The following RBFOX1 variants were observed in gnomAD, a reference collection of about 807,000 sequenced individuals.
The protein encoded by RBFOX1 is RNA binding protein fox-1 homolog 1.
In RBFOX1, 8 loss-of-function variants were observed where a neutral mutation model predicts 57.7. The observed-to-expected ratio is 0.14, with a 90% CI of 0.08 to 0.25. The LOEUF (loss-of-function observed/expected upper bound fraction) is 0.25, where lower values mean the gene tolerates loss of function less well. RBFOX1 is among the 10% of genes least tolerant of loss of function. The probability of loss-of-function intolerance (pLI) is 1.00; values close to 1 mark genes in which losing one functional copy is unlikely to be tolerated. For synonymous variants in RBFOX1, 326 were observed against 222.4 expected, an observed-to-expected ratio of 1.47 and a Z score of -4.15; for missense variants, 611 against 548.5, an observed-to-expected ratio of 1.11 and a Z score of -1.14.
chr16:5,785,511 T>TTTTCTTTC (rs369767150), intron 3 of RBFOX1, among the ~76,000 whole-genome samples: 115 of 151,914 alleles, frequency 7.6e-4, no homozygotes, highest in South Asian at 5.2e-3. Context: ...TTCTTTTCTT[T>TTTTCTTTC]TTTCTTTCTT....
At chr16:6,795,630 G>C (rs1311676744) in intron 3 of RBFOX1, among the ~76,000 whole-genome samples, 1 of 152,026 alleles carries the variant, frequency 6.6e-6, no homozygotes, top group Non-Finnish European at 1.5e-5. Flanking sequence ...GCCTGGCATG[G>C]TTGGGGGTGC....
At chr16:6,623,381 G>T (rs1257036730) in intron 2 of RBFOX1, among the ~76,000 whole-genome samples, 1 of 151,972 alleles carries the variant, frequency 6.6e-6, no homozygotes, top group Middle Eastern at 3.2e-3. Flanking sequence ...CAAGTGTTCT[G>T]ATTGTCACTT....
intron 4 of RBFOX1, among the ~76,000 whole-genome samples, chr16:5,912,130 C>T (rs1238274359): frequency 2.6e-5 from 4 of 152,162 alleles, no homozygotes; most frequent in Non-Finnish European, 1.5e-5. Context: ...CTGAGCTTCA[C>T]ACCCATCTCT....
intron 3 of RBFOX1, among the ~76,000 whole-genome samples, chr16:5,734,630 C>G (rs192868616): frequency 7.2e-5 from 11 of 152,098 alleles, no homozygotes; most frequent in Non-Finnish European, 1.3e-4. Context: ...GCTAGGTTCA[C>G]GAGACTGAGT....
chr16:5,665,649 G>C lies in RBFOX1; in HGVS notation c.318+66688G>C, dbSNP rs80239163. Among the ~76,000 whole-genome samples, 1,132 of 152,314 alleles carry C rather than the reference G, an allele frequency of 7.4e-3. 12 individuals are homozygous for C. The highest frequency in any genetic ancestry group is 0.025 in the African/African-American group (1,055 of 41,570). On this transcript the variant is annotated intron_variant, in intron 3 of 19. Transcript: ENST00000641259. ...TTGGCAGATAGTTGGCACTCAGTTA[G>C]TATTTAGTGGATGAATGAATGTGTG...
chr16:7,094,315 A>G lies in RBFOX1; in HGVS notation c.27+42217A>G, dbSNP rs147993590. 3.1e-4 allele frequency among the ~76,000 whole-genome samples: 47 copies of G among 152,266 alleles called. 1 individual carries two copies. In the East Asian group the frequency reaches 7.1e-3, roughly 23 times the overall value. On this transcript the variant is annotated intron_variant, in intron 4 of 15. Coordinates refer to ENST00000550418, the MANE Select transcript of RBFOX1 (RefSeq NM_018723.4). ...GAAGCAATAGAGCATTGTTTTGACC[A>G]CTAAGGAACATGAAGCTTTTAGGAG...
At chr16:6,053,346 C>T (rs1264617653) in intron 1 of RBFOX1, among the ~76,000 whole-genome samples, 1 of 152,156 alleles carries the variant, frequency 6.6e-6, no homozygotes, top group East Asian at 1.9e-4. Flanking sequence ...GAGTGGCTAA[C>T]ACAATTAGTG....
At chr16:6,715,266 GTTTTTTTTTTTTC>G (rs2064558504) in intron 3 of RBFOX1, among the ~76,000 whole-genome samples, 2 of 149,836 alleles carry the variant, frequency 1.3e-5, no homozygotes, top group Non-Finnish European at 3.0e-5. Flanking sequence ...AAGTTTTAAA[GTTTTTTTTTTTTC>G]TTTTTTTAAC....
chr16:7,313,528 CA>C (rs1364764445), intron 4 of RBFOX1, among the ~76,000 whole-genome samples: 3 of 148,202 alleles, frequency 2.0e-5, no homozygotes, highest in Non-Finnish European at 4.4e-5. Context: ...CTCTTTCGGA[CA>C]GCAGTAGGAG....
intron 3 of RBFOX1, among the ~76,000 whole-genome samples, chr16:6,762,823 G>T (rs538585408): frequency 6.6e-6 from 1 of 152,156 alleles, no homozygotes; most frequent in Non-Finnish European, 1.5e-5. Flanking sequence ...TAAAAACCAG[G>T]TGTTACCAGA....
At chr16:7,340,651 C>T (rs1440394798) in intron 4 of RBFOX1, among the ~76,000 whole-genome samples, 2 of 152,212 alleles carry the variant, frequency 1.3e-5, no homozygotes, top group Admixed American at 6.5e-5. Context: ...CTTCTCTTCA[C>T]ATCAGTGATG....
In RBFOX1 at chr16:6,682,290, A is replaced by G. The variant is rs561957192; in HGVS notation, c.-16+27640A>G. ...ACACAGCCCTGCCTCCTCTGGAGGG[A>G]TTGAGCTCTCAGGCGTCGATTTCCC... On this transcript the variant is annotated intron_variant, in intron 3 of 15. Transcript: ENST00000550418. Among the ~76,000 whole-genome samples, 12 of 152,232 alleles carry G rather than the reference A, an allele frequency of 7.9e-5. No individual in the cohort carries two copies. The South Asian group carries it at 2.5e-3, about 32-fold the overall frequency.
In RBFOX1 at chr16:7,712,539, G is replaced by C. The variant is rs937092622; in HGVS notation, c.*1794G>C. 2 of 152,478 alleles carry C rather than the reference G, an allele frequency of 1.3e-5. No individual in the cohort carries two copies. Among genetic ancestry groups the C allele is most frequent in the Non-Finnish European group, 2.9e-5 (2 of 68,034 alleles). 9.4% of individuals were successfully genotyped at this position (152,478 alleles called of 1,614,324 possible). A position where few individuals can be genotyped will look rare whatever the true frequency, so the allele number is the denominator to read the frequency against. ...GCTTCGATACCTAAGACAGACGATAGTGATCTTGAAAAGAGAAAAGGGGGA... is the reference window on the plus strand; with the variant it reads ...GCTTCGATACCTAAGACAGACGATACTGATCTTGAAAAGAGAAAAGGGGGA... On this transcript the variant is annotated 3_prime_UTR_variant, in exon 16 of 16. Coordinates refer to ENST00000550418, the MANE Select transcript of RBFOX1 (RefSeq NM_018723.4).
At chr16:5,454,808 C>A (rs12929210) in intron 1 of RBFOX1, among the ~76,000 whole-genome samples, 1 of 51,110 alleles carries the variant, frequency 2.0e-5, no homozygotes, top group East Asian at 5.1e-4. Flanking sequence ...TCTTTCTTTC[C>A]CTTTCCTTTC....
chr16:7,419,178 G>C (rs1417519859), intron 4 of RBFOX1, among the ~76,000 whole-genome samples: 1 of 152,180 alleles, frequency 6.6e-6, no homozygotes, highest in Non-Finnish European at 1.5e-5. Flanking sequence ...AAAGTGCTGG[G>C]ATTACAAGCG....
At chr16:6,004,243 C>G (rs199559884) in intron 4 of RBFOX1, among the ~76,000 whole-genome samples, 1 of 152,284 alleles carries the variant, frequency 6.6e-6, no homozygotes, top group East Asian at 1.9e-4. Context: ...GCTCTACAGC[C>G]TGACTACCTG....
intron 3 of RBFOX1, among the ~76,000 whole-genome samples, chr16:6,763,938 A>G (rs1343705368): frequency 6.6e-6 from 1 of 152,224 alleles, no homozygotes; most frequent in Non-Finnish European, 1.5e-5. Context: ...GGTTCCCAAT[A>G]TTAATGAGTC....
intron 3 of RBFOX1, among the ~76,000 whole-genome samples, chr16:6,816,383 T>C (rs2090070017): frequency 6.6e-6 from 1 of 152,034 alleles, no homozygotes; most frequent in Non-Finnish European, 1.5e-5. Flanking sequence ...TGAAAGTCAA[T>C]CTTCGGTTTT....
chr16:6,954,854 G>T (rs1176154866), intron 3 of RBFOX1, among the ~76,000 whole-genome samples: 1 of 152,124 alleles, frequency 6.6e-6, no homozygotes, highest in African/African-American at 2.4e-5. Flanking sequence ...CCTTGGGCAA[G>T]TTGCCTTTTT....
Sources: allele counts gnomAD v4.1 joint callset (sites outside exome capture counted in the v4.1 genomes callset), GRCh38; gene constraint gnomAD v4.1.1; transcripts MANE v1.5; gene names NCBI Gene and HGNC (gene_info 2026-07-23, HGNC 2026-07-21).